Variants in NRXN3 observed in about 807,000 individuals in gnomAD.
NRXN3 encodes neurexin 3.
NRXN3 carries 32 observed loss-of-function variants against 137.6 expected under a neutral mutation model. The observed-to-expected ratio is 0.23, with a 90% CI of 0.18 to 0.31. The LOEUF is 0.31. NRXN3 is among the 10% of genes least tolerant of loss of function. The probability of loss-of-function intolerance (pLI) is 1.00; values close to 1 mark genes in which losing one functional copy is unlikely to be tolerated. For synonymous variants in NRXN3, 798 were observed against 784.5 expected (o/e 1.02, Z -0.29); for missense variants, 1,574 against 2,062.5 (o/e 0.76, Z 4.59).
intron 16 of NRXN3, among the ~76,000 whole-genome samples, chr14:79,622,294 A>T (rs543063249): frequency 6.6e-6 from 1 of 152,298 alleles, no homozygotes; most frequent in East Asian, 1.9e-4. Flanking sequence ...CAGTGGAAAA[A>T]GCTGCCAGAC....
chr14:79,019,618 A>G (rs1325408378), intron 15 of NRXN3, among the ~76,000 whole-genome samples: 1 of 152,150 alleles, frequency 6.6e-6, no homozygotes, highest in Non-Finnish European at 1.5e-5. Context: ...CTTGATAGGT[A>G]CAGGAAAGGA....
At chr14:78,764,497 A>G (rs2098702418) in intron 8 of NRXN3, among the ~76,000 whole-genome samples, 1 of 152,206 alleles carries the variant, frequency 6.6e-6, no homozygotes, top group African/African-American at 2.4e-5. Flanking sequence ...TCACACTCCA[A>G]AACAACATGT....
At chr14:79,449,410 G>A (rs913295814) in intron 15 of NRXN3, among the ~76,000 whole-genome samples, 1 of 151,888 alleles carries the variant, frequency 6.6e-6, no homozygotes, top group African/African-American at 2.4e-5. Context: ...ATTTTCCTTT[G>A]ATGGAGACAA....
intron 15 of NRXN3, chr14:79,072,055 C>T (rs568756654): frequency 1.3e-5 from 2 of 148,204 alleles, no homozygotes; most frequent in South Asian, 2.1e-4. Context: ...TTAACAGGGC[C>T]CTTGATTATC....
intron 4 of NRXN3, among the ~76,000 whole-genome samples, chr14:78,504,115 C>T (rs1376205514): frequency 1.3e-5 from 2 of 152,088 alleles, no homozygotes. Flanking sequence ...AGTTTCCCAT[C>T]CTTGGTTGAT....
intron 15 of NRXN3, among the ~76,000 whole-genome samples, chr14:79,376,206 G>A (rs938220305): frequency 1.3e-4 from 7 of 53,884 alleles, no homozygotes; most frequent in African/African-American, 4.0e-4. Context: ...GTGTGTGTGT[G>A]TGTGTATGTA....
intron 15 of NRXN3, among the ~76,000 whole-genome samples, chr14:79,383,380 G>A (rs2094523535): frequency 6.6e-6 from 1 of 151,994 alleles, no homozygotes; most frequent in South Asian, 2.1e-4. Context: ...TCTTTCTCTT[G>A]GACAAAGGGA....
At chr14:78,657,992 C>G (rs1469443962) in intron 6 of NRXN3, among the ~76,000 whole-genome samples, 2 of 152,164 alleles carry the variant, frequency 1.3e-5, no homozygotes, top group Non-Finnish European at 2.9e-5. Context: ...TCCCCATCTC[C>G]GTTCCGTTTT....
At chr14:78,702,500 A>C (rs1255226964) in intron 6 of NRXN3, among the ~76,000 whole-genome samples, 1 of 123,882 alleles carries the variant, frequency 8.1e-6, no homozygotes, top group Non-Finnish European at 1.6e-5. Flanking sequence ...GCTGGAGTGT[A>C]GTGGTGCGAT....
At chr14:78,755,190 A>ATT (rs34214778) in intron 8 of NRXN3, among the ~76,000 whole-genome samples, 2 of 131,584 alleles carry the variant, frequency 1.5e-5, no homozygotes, top group Middle Eastern at 3.7e-3. Flanking sequence ...TAGTTTTTGT[A>ATT]TTTTTTTTTT....
chr14:78,721,151 A>G (rs2098457910), intron 8 of NRXN3, among the ~76,000 whole-genome samples: 2 of 152,218 alleles, frequency 1.3e-5, no homozygotes, highest in South Asian at 4.1e-4. Flanking sequence ...CCATTTTATA[A>G]TTAGTTCTGG....
At chr14:79,505,312 A>T (rs2096867643) in intron 16 of NRXN3, among the ~76,000 whole-genome samples, 1 of 152,082 alleles carries the variant, frequency 6.6e-6, no homozygotes, top group East Asian at 1.9e-4. Flanking sequence ...TCATATACAC[A>T]GTCCAATATG....
intron 10 of NRXN3, among the ~76,000 whole-genome samples, chr14:78,878,668 A>C (rs918777669): frequency 3.3e-5 from 5 of 152,194 alleles, no homozygotes; most frequent in African/African-American, 4.8e-5. Context: ...TCAAGCTAAC[A>C]TATGTATTAC....
chr14:78,654,395 T>C (rs1361446726), intron 6 of NRXN3, among the ~76,000 whole-genome samples: 1 of 152,252 alleles, frequency 6.6e-6, no homozygotes, highest in African/African-American at 2.4e-5. Flanking sequence ...TATGTGTAAT[T>C]TTCTTCAAAT....
chr14:78,748,534 T>TA (rs939128501), intron 8 of NRXN3, among the ~76,000 whole-genome samples: 46 of 152,162 alleles, frequency 3.0e-4, no homozygotes, highest in East Asian at 1.7e-3. Context: ...ATATGAAATT[T>TA]AAAAAAATTA....
chr14:79,562,652 G>C (rs1194501475), intron 16 of NRXN3, among the ~76,000 whole-genome samples: 2 of 152,156 alleles, frequency 1.3e-5, no homozygotes, highest in African/African-American at 4.8e-5. Flanking sequence ...TGATTTCCAT[G>C]TAAATATCAT....
chr14:78,264,725 G>T (rs1368664054), intron 2 of NRXN3, among the ~76,000 whole-genome samples: 1 of 152,140 alleles, frequency 6.6e-6, no homozygotes, highest in Non-Finnish European at 1.5e-5. Context: ...ACTCTAAGGG[G>T]GATATTAGTG....
intron 4 of NRXN3, among the ~76,000 whole-genome samples, chr14:78,441,396 C>T (rs1271233233): frequency 6.6e-6 from 1 of 152,106 alleles, no homozygotes; most frequent in Non-Finnish European, 1.5e-5. Flanking sequence ...TTATCAAAAT[C>T]CATCCTTCAC....
At chr14:78,774,915 C>G (rs1329589646) in intron 8 of NRXN3, among the ~76,000 whole-genome samples, 3 of 151,772 alleles carry the variant, frequency 2.0e-5, no homozygotes, top group Non-Finnish European at 4.4e-5. Context: ...AGAGTGAAAC[C>G]CTGTCTCTAA....
Sources: gnomAD v4.1 joint callset for allele counts (sites outside exome capture counted in the v4.1 genomes callset) on GRCh38, gnomAD v4.1.1 for gene constraint, MANE v1.5 for transcripts, NCBI Gene and HGNC (gene_info 2026-07-23, HGNC 2026-07-21) for gene names.